The following TP53I13 variants were observed in gnomAD, a reference collection of about 807,000 sequenced individuals.
TP53I13 encodes tumor protein p53-inducible protein 13.
A neutral mutation model predicts 39.1 loss-of-function variants in TP53I13; 27 were observed. The ratio of observed to expected loss-of-function variants is 0.69; its 90% CI spans 0.51 to 0.95. The LOEUF (loss-of-function observed/expected upper bound fraction) is 0.95. Among genes scored for constraint, TP53I13 ranks in the 40% least tolerant of loss-of-function variants. TP53I13 has a pLI of 0.00. For synonymous variants in TP53I13, 230 were observed against 224.6 expected (o/e 1.02, Z -0.22); for missense variants, 544 against 520.4 (o/e 1.05, Z -0.44).
the TP53I13 span, chr17:29,578,811 AGAG>A: frequency 6.2e-7 from 1 of 1,609,770 alleles, no homozygotes; most frequent in Non-Finnish European, 8.5e-7. Context: ...AATTGGGAGG[AGAG>A]GAGAGACCTG....
At chr17:29,570,904 G>C (rs551185445) in intron 3 of TP53I13, 23 of 152,504 alleles carry the variant, frequency 1.5e-4, no homozygotes, top group African/African-American at 5.1e-4. Flanking sequence ...GCTGGCATCA[G>C]CTCCCCCTGA....
At position 29,572,570 on chromosome 17, in the gene TP53I13, C is replaced by G. The variant is rs531894561; in HGVS notation, c.942C>G (p.Ala314=). 8.1e-6 allele frequency: 13 copies of G among 1,598,686 alleles called. No individual in the cohort carries two copies. In the South Asian group the frequency reaches 1.5e-4, roughly 18 times the overall value. Residue 314 remains alanine (A), a synonymous_variant, in exon 6 of 7, where the codon GCC becomes GCG. Coordinates refer to ENST00000301057, the MANE Select transcript of TP53I13 (RefSeq NM_138349.4). ...TPRTEEAAWA[A]MALTFLLVLL... ...GCACTGAAGAGGCCGCCTGGGCTGC[C>G]ATGGCCCTGACCTTCCTGCTGGTGC... is the stretch of plus-strand genomic sequence containing the variant.
downstream of TP53I13, chr17:29,574,124 GA>G (rs1166667292): frequency 6.7e-6 from 1 of 149,828 alleles, no homozygotes; most frequent in Non-Finnish European, 1.5e-5. Context: ...TGGGGAAGAA[GA>G]AAGAAAAAAA....
chr17:29,582,153 A>T, the TP53I13 span: 1 of 1,548,504 alleles, frequency 6.5e-7, no homozygotes, highest in Non-Finnish European at 8.7e-7. Flanking sequence ...TGCTAAGAGG[A>T]GCAGAGTGTG....
At chr17:29,581,782 G>A in the TP53I13 span, 1 of 1,612,158 alleles carries the variant, frequency 6.2e-7, no homozygotes, top group Non-Finnish European at 8.5e-7. This position sits in a 1 kb window ranked among gnomAD's most constrained non-coding sequence, Gnocchi z 4.8. Flanking sequence ...GCCGGTCAGT[G>A]AGCTCATATT....
At chr17:29,577,611 A>G, downstream of TP53I13, 1 of 1,367,730 alleles carries the variant, frequency 7.3e-7, no homozygotes, top group Non-Finnish European at 1.0e-6. Context: ...GGGATGAAGT[A>G]GACCACCCCA....
chr17:29,574,951 T>C (rs1479814488), downstream of TP53I13: 1 of 1,522,800 alleles, frequency 6.6e-7, no homozygotes. Context: ...CCTTGGACTT[T>C]AAGCCACCAG....
downstream of TP53I13, chr17:29,576,905 C>T: frequency 6.3e-7 from 1 of 1,579,134 alleles, no homozygotes; most frequent in Non-Finnish European, 8.6e-7. Flanking sequence ...TGCGCAGGGG[C>T]TCCTGGTCTG....
At chr17:29,570,199 C>T (rs1316183792) in intron 3 of TP53I13, among the ~76,000 whole-genome samples, 1 of 137,278 alleles carries the variant, frequency 7.3e-6, no homozygotes, top group Non-Finnish European at 1.6e-5. Flanking sequence ...AGCCACCATG[C>T]CTGGCCTGAA....
downstream of TP53I13, chr17:29,576,696 G>A (rs1420229524): frequency 1.9e-6 from 3 of 1,613,188 alleles, no homozygotes; most frequent in Non-Finnish European, 2.5e-6. Context: ...GACCTAAGCT[G>A]GTCAGCACCT....
At chr17:29,566,676 C>A, upstream of TP53I13, 1 of 1,596,364 alleles carries the variant, frequency 6.3e-7, no homozygotes, top group Admixed American at 1.7e-5. Context: ...ACCAGGAGCG[C>A]GGGCCGGCCT....
the TP53I13 span, chr17:29,579,258 C>T: frequency 1.9e-6 from 1 of 515,040 alleles, no homozygotes; most frequent in South Asian, 2.8e-5. Flanking sequence ...TAGTGAAGCT[C>T]CCCAGGTTCC....
chr17:29,571,832 C>T, intron 4 of TP53I13, 25 bp from the exon 5 acceptor site: 2 of 1,613,256 alleles, frequency 1.2e-6, no homozygotes, highest in Non-Finnish European at 1.7e-6. Context: ...TTCCTCGTAG[C>T]TCTAACAGTT....
chr17:29,575,936 C>T (rs755472133), downstream of TP53I13: 16 of 1,556,582 alleles, frequency 1.0e-5, no homozygotes, highest in Non-Finnish European at 1.1e-5. The surrounding 1 kb of genome is among the most constrained non-coding windows in gnomAD (Gnocchi z 5.5). Flanking sequence ...GTCAGTGTGC[C>T]CCACTGCCCC....
At chr17:29,577,371 C>A, downstream of TP53I13, 1 of 776,088 alleles carries the variant, frequency 1.3e-6, no homozygotes, top group East Asian at 2.6e-5. Context: ...GCGTCCCAGC[C>A]TAGCTTCACC....
downstream of TP53I13, chr17:29,575,418 C>G (rs1201406092): frequency 2.5e-6 from 4 of 1,613,508 alleles, no homozygotes; most frequent in African/African-American, 1.3e-5. The surrounding 1 kb of genome is among the most constrained non-coding windows in gnomAD (Gnocchi z 5.5). Context: ...CTTTCCAGCT[C>G]TGGGTGGAAG....
At chr17:29,569,456 C>G in intron 3 of TP53I13, 97 bp downstream of exon 3, 1 of 1,202,394 alleles carries the variant, frequency 8.3e-7, no homozygotes, top group Admixed American at 2.1e-5. Context: ...CGGCCCCATT[C>G]CTTACCACTT....
intron 2 of TP53I13, 31 bp downstream of exon 2, chr17:29,569,117 G>A (rs2032825499): frequency 6.4e-7 from 1 of 1,566,112 alleles, no homozygotes; most frequent in African/African-American, 1.4e-5. Context: ...AGGGAGAGAG[G>A]GATGTGAAAG....
At chr17:29,571,774 T>C (rs1190140681) in intron 4 of TP53I13, 55 bp downstream of exon 4, 1 of 1,613,326 alleles carries the variant, frequency 6.2e-7, no homozygotes, top group East Asian at 2.2e-5. Flanking sequence ...TATGGCCCCG[T>C]GTGCAGGGAA....
Sources: allele counts gnomAD v4.1 joint callset (sites outside exome capture counted in the v4.1 genomes callset), GRCh38; gene constraint gnomAD v4.1.1; non-coding constraint Gnocchi (gnomAD v3.1); transcripts MANE v1.5; gene names NCBI Gene and HGNC (gene_info 2026-07-23, HGNC 2026-07-21).